Variants in ASMTL observed in about 807,000 individuals in gnomAD.
The protein encoded by ASMTL is probable bifunctional dTTP/UTP pyrophosphatase/methyltransferase protein.
In ASMTL, 57 loss-of-function variants were observed where a neutral mutation model predicts 60.3. That is an observed-to-expected ratio of 0.95 (90% confidence interval 0.76 to 1.18). The LOEUF (loss-of-function observed/expected upper bound fraction) is 1.18. Among genes scored for constraint, ASMTL ranks in the 50% most tolerant of loss-of-function variants. ASMTL has a pLI of 0.00. For synonymous variants in ASMTL, 419 were observed against 373.0 expected (o/e 1.12, Z -1.42); for missense variants, 981 against 852.6 (o/e 1.15, Z -1.88).
At chrX:1,447,377 C>G (rs1197184984) in intron 1 of ASMTL, among the ~76,000 whole-genome samples, 13 of 151,872 alleles carry the variant, frequency 8.6e-5, no homozygotes, top group African/African-American at 3.1e-4. Flanking sequence ...CACACATGGC[C>G]ATCTTGGAGA....
intron 3 of ASMTL, among the ~76,000 whole-genome samples, chrX:1,437,401 G>T (rs1196298170): frequency 6.1e-5 from 9 of 148,484 alleles, no homozygotes; most frequent in Non-Finnish European, 1.2e-4. Flanking sequence ...TAATCCTGGA[G>T]TCTGGAAGTC....
Position 1,403,206 on chromosome X carries a change from G to A in ASMTL, c.*63C>T, listed in dbSNP as rs1420888665. On this transcript the variant is annotated 3_prime_UTR_variant, in exon 13 of 13. Transcript: ENST00000381317. The stretch of plus-strand genomic sequence containing the variant: ...ATGTGACTGTCCTATGGTACTTGGG[G>A]ACCGGGCGGTCCACCTGCAGCCTGG... 3 of 1,389,862 alleles carry A rather than the reference G, an allele frequency of 2.2e-6. No individual in the cohort carries two copies. In the East Asian group the frequency reaches 6.9e-5, roughly 32 times the overall value. 86.1% of individuals were successfully genotyped at this position (1,389,862 alleles called of 1,614,324 possible).
At chrX:1,453,145 CT>C (rs202086921), upstream of ASMTL, among the ~76,000 whole-genome samples, 4,297 of 151,168 alleles carry the variant, frequency 0.028, 96 homozygotes, top group Middle Eastern at 0.083. Context: ...CAGACCACGC[CT>C]CCATTGCCCT....
At chrX:1,439,890 T>C (rs1161880464) in intron 2 of ASMTL, among the ~76,000 whole-genome samples, 1 of 149,698 alleles carries the variant, frequency 6.7e-6, no homozygotes, top group Non-Finnish European at 1.5e-5. Flanking sequence ...AAAAAGGTAC[T>C]TAGGACGATA....
intron 1 of ASMTL, among the ~76,000 whole-genome samples, chrX:1,452,130 C>G (rs1356229519): frequency 6.8e-6 from 1 of 147,538 alleles, no homozygotes; most frequent in Admixed American, 6.7e-5. Context: ...GTCACTCTCC[C>G]CAACCCCATC....
intron 8 of ASMTL, among the ~76,000 whole-genome samples, chrX:1,424,948 GTCCATCCA>G (rs761777284): frequency 1.8e-4 from 3 of 16,964 alleles, no homozygotes; most frequent in African/African-American, 3.2e-4. Context: ...CAATCCATCT[GTCCATCCA>G]TCCATCCATC....
chrX:1,442,111 T>A, intron 2 of ASMTL, 75 bp downstream of exon 2: 1 of 1,535,550 alleles, frequency 6.5e-7, no homozygotes, highest in Non-Finnish European at 8.9e-7. Context: ...TTGTGTCATG[T>A]ATATTTACCA....
intron 11 of ASMTL, chrX:1,413,802 G>C (rs1477624397): frequency 1.3e-5 from 2 of 152,354 alleles, no homozygotes; most frequent in Non-Finnish European, 2.9e-5. Context: ...AGGCCACGTG[G>C]AGACGGAGGC....
chrX:1,435,410 A>G (rs1393817898), intron 4 of ASMTL: 6 of 606,470 alleles, frequency 9.9e-6, no homozygotes, highest in African/African-American at 1.9e-5. Flanking sequence ...CAGGTCCAGG[A>G]TGCCCAGTGG....
chrX:1,452,365 G>A (rs1365373052), intron 1 of ASMTL, among the ~76,000 whole-genome samples: 16 of 149,440 alleles, frequency 1.1e-4, no homozygotes, highest in South Asian at 2.1e-4. Context: ...TGGGGGTCCC[G>A]GGTTACTCTC....
intron 12 of ASMTL, among the ~76,000 whole-genome samples, chrX:1,410,409 CA>C (rs1176541120): frequency 6.6e-6 from 1 of 151,534 alleles, no homozygotes; most frequent in East Asian, 1.9e-4. Flanking sequence ...CCTATCTCCA[CA>C]AAAAACTTTT....
rs1214570469 is a variant in ASMTL at position 1,403,463 on chromosome X, G to C, written c.1672C>G (p.Leu558Val). The change falls in exon 13 of 13, where the codon CTC (leucine) becomes GTC (valine). Residue 558 changes from leucine to valine, a missense_variant. Coordinates refer to ENST00000381317, the MANE Select transcript of ASMTL (RefSeq NM_004192.4). Reference sequence around the variant, plus strand: ...GCCACCCTCTTCTCCTCATCCAGGAGCGTCTCCACCAGCAGCAGGCCGGCC... The same window carrying C: ...GCCACCCTCTTCTCCTCATCCAGGACCGTCTCCACCAGCAGCAGGCCGGCC... ...PGAGLLLVET[L>V]LDEEKRVAQR... is the part of the protein sequence containing the mutation. The C allele has an allele frequency of 1.2e-6, 2 of 1,613,128 alleles. No homozygotes were observed. Among genetic ancestry groups the C allele is most frequent in the Non-Finnish European group, 1.7e-6 (2 of 1,179,856 alleles).
At chrX:1,452,932 TCCCGCCTCCGCGAGGCCACGCCCCCG>T (rs750177264), upstream of ASMTL, 6,528 of 1,044,190 alleles carry the variant, frequency 6.3e-3, 45 homozygotes, top group African/African-American at 9.6e-3. Flanking sequence ...GCGGCCAGAG[TCCCGCCTCCGCGAGGCCACGCCCCCG>T]CCCGCCTCCG....
intron 11 of ASMTL, among the ~76,000 whole-genome samples, chrX:1,413,316 C>G (rs1408908365): frequency 2.0e-5 from 3 of 151,884 alleles, no homozygotes; most frequent in Admixed American, 1.3e-4. Context: ...GAGCCGAGAT[C>G]GCGCCATCGC....
intron 3 of ASMTL, among the ~76,000 whole-genome samples, chrX:1,437,419 C>A (rs1475893563): frequency 6.7e-6 from 1 of 150,328 alleles, no homozygotes; most frequent in Non-Finnish European, 1.5e-5. Context: ...GTCTGAGATC[C>A]AGGTGTGGGC....
At chrX:1,426,891 G>T (rs28407708) in intron 7 of ASMTL, among the ~76,000 whole-genome samples, 97,959 of 151,492 alleles carry the variant, frequency 0.65, 32,578 homozygotes, top group East Asian at 0.83. Flanking sequence ...GCTGAGGCAG[G>T]AGAATCGCTT....
At chrX:1,416,772 C>T (rs2090292952) in intron 11 of ASMTL, among the ~76,000 whole-genome samples, 1 of 78,856 alleles carries the variant, frequency 1.3e-5, no homozygotes. Flanking sequence ...CATGCACACA[C>T]AGACGTACAC....
In ASMTL at chrX:1,434,118, G is replaced by A. The variant is rs183523316; in HGVS notation, c.400+904C>T. 4.4e-3 allele frequency among the ~76,000 whole-genome samples: 671 copies of A among 152,172 alleles called. 2 individuals carry two copies. The highest frequency in any genetic ancestry group is 0.01 in the Middle Eastern group (3 of 294). On this transcript the variant is annotated intron_variant, in intron 5 of 12. Coordinates refer to ENST00000381317, the MANE Select transcript of ASMTL (RefSeq NM_004192.4). ...AATTCTACGATGCCTCCTGGTGTCC[G>A]CCAACAAGCTGGGAATGGGTTGGTG...
intron 3 of ASMTL, among the ~76,000 whole-genome samples, chrX:1,436,389 A>G (rs6644943): frequency 0.092 from 13,724 of 149,920 alleles, 1,944 homozygotes; most frequent in African/African-American, 0.31. Context: ...GTCTCGCTCT[A>G]TCACCCAGGC....
Sources: gnomAD v4.1 joint callset for allele counts (sites outside exome capture counted in the v4.1 genomes callset) on GRCh38, gnomAD v4.1.1 for gene constraint, MANE v1.5 for transcripts, NCBI Gene and HGNC (gene_info 2026-07-23, HGNC 2026-07-21) for gene names.